GOT1: variants seen among roughly 807,000 people sequenced by gnomAD.
GOT1 encodes the protein aspartate aminotransferase, cytoplasmic.
A neutral mutation model predicts 48.2 loss-of-function variants in GOT1; 25 were observed. That is an observed-to-expected ratio of 0.52 (90% CI 0.38 to 0.72). The LOEUF is 0.72. Among genes scored for constraint, GOT1 ranks in the 30% least tolerant of loss-of-function variants. GOT1 has a pLI of 0.00. For synonymous variants in GOT1, 188 were observed against 193.8 expected (o/e 0.97, Z 0.25); for missense variants, 380 against 520.1 (o/e 0.73, Z 2.62).
intron 8 of GOT1, among the ~76,000 whole-genome samples, chr10:99,398,413 T>G (rs1441746219): frequency 2.0e-5 from 3 of 152,214 alleles, no homozygotes; most frequent in Non-Finnish European, 4.4e-5. Flanking sequence ...TTCACGCCTG[T>G]GATCCCAGCA....
At chr10:99,407,754 A>T (rs2032779810) in intron 2 of GOT1, among the ~76,000 whole-genome samples, 2 of 151,316 alleles carry the variant, frequency 1.3e-5, no homozygotes, top group African/African-American at 4.9e-5. Flanking sequence ...TCCTAAAGTG[A>T]CCTAACATAG....
In GOT1 at chr10:99,420,620, T is replaced by C. The variant is rs2032953404; in HGVS notation, c.300+4A>G. 7 of 1,604,442 alleles carry C rather than the reference T, an allele frequency of 4.4e-6. No homozygotes were observed. The highest frequency in any genetic ancestry group is 1.1e-5 in the South Asian group (1 of 89,482). On this transcript the variant is annotated splice_donor_region_variant and intron_variant, in intron 2 of 8. Transcript: ENST00000370508. ...GAGAAAATACATCCTTACCCAAAAC[T>C]TACCCGCTTCTCCTTGAGTGCTGGG... is the stretch of plus-strand genomic sequence containing the variant.
chr10:99,412,707 G>A (rs1433022124), intron 2 of GOT1, among the ~76,000 whole-genome samples: 1 of 152,086 alleles, frequency 6.6e-6, no homozygotes, highest in East Asian at 1.9e-4. Context: ...AGTAGGGGCA[G>A]ACTGATACCT....
intron 2 of GOT1, among the ~76,000 whole-genome samples, chr10:99,410,515 G>A (rs1043413909): frequency 2.6e-5 from 4 of 152,170 alleles, no homozygotes; most frequent in African/African-American, 9.7e-5. Flanking sequence ...CATTAAAAAT[G>A]TGCTTAGAAG....
At chr10:99,400,608 C>T (rs2032661612) in intron 8 of GOT1, among the ~76,000 whole-genome samples, 2 of 151,872 alleles carry the variant, frequency 1.3e-5, no homozygotes, top group South Asian at 4.2e-4. Flanking sequence ...CTGTACTCCA[C>T]CCTGGGTGAC....
At chr10:99,420,318 T>G (rs1043920900) in intron 2 of GOT1, 1 of 258,360 alleles carries the variant, frequency 3.9e-6, no homozygotes, top group East Asian at 8.9e-5. Flanking sequence ...GTGGCAGAGT[T>G]GGATCTAGAA....
chr10:99,415,240 T>G (rs1387801809), intron 2 of GOT1, among the ~76,000 whole-genome samples: 1 of 151,714 alleles, frequency 6.6e-6, no homozygotes, highest in East Asian at 1.9e-4. Context: ...ATAGACGCAA[T>G]AAAAAATGAT....
chr10:99,419,945 T>C (rs1470875836), intron 2 of GOT1, among the ~76,000 whole-genome samples: 5 of 152,144 alleles, frequency 3.3e-5, no homozygotes, highest in Non-Finnish European at 5.9e-5. Context: ...TCTTCCTCCA[T>C]GTATCTCCAG....
chr10:99,405,663 A>C (rs762808644), intron 5 of GOT1, 93 bp downstream of exon 5: 5 of 689,938 alleles, frequency 7.2e-6, no homozygotes, highest in Non-Finnish European at 1.3e-5. Flanking sequence ...CATTTTCCTA[A>C]TTCCTCAGCA....
intron 2 of GOT1, among the ~76,000 whole-genome samples, chr10:99,419,720 C>A (rs2032943150): frequency 6.6e-6 from 1 of 152,160 alleles, no homozygotes; most frequent in Non-Finnish European, 1.5e-5. Flanking sequence ...GGCCCAGCCA[C>A]AGTATGTTTT....
chr10:99,402,660 C>T lies in GOT1; in HGVS notation c.1022G>A (p.Arg341Gln), dbSNP rs1447067357. 13 of 1,613,704 alleles carry T rather than the reference C, an allele frequency of 8.1e-6. No homozygotes were observed. Among genetic ancestry groups the T allele is most frequent in the Middle Eastern group, 1.7e-4 (1 of 6,060 alleles). Residue 341 changes from arginine (R) to glutamine (Q), a missense_variant, in exon 8 of 9, where the codon CGA becomes CAA. Physicochemically the swap from Arg to Gln is conservative, Grantham distance 43. Coordinates refer to ENST00000370508, the MANE Select transcript of GOT1 (RefSeq NM_002079.3). ...CCCAGGGGTTTTGAGGGCTTCTAGT[C>T]GTGCCCTGAGTTCAGATCTCATGGT... ...ILTMRSELRA[R>Q]LEALKTPGTW...
chr10:99,404,700 ACATC>A (rs2032730467), intron 5 of GOT1, among the ~76,000 whole-genome samples: 1 of 152,080 alleles, frequency 6.6e-6, no homozygotes, highest in Non-Finnish European at 1.5e-5. Context: ...AAGACCATGC[ACATC>A]CAATCATGTC....
Position 99,406,823 on chromosome 10 carries a change from T to C in GOT1, c.327A>G (p.Gly109=), listed in dbSNP as rs200952045. The C allele has an allele frequency of 5.7e-5, 92 of 1,613,418 alleles. No homozygotes were observed. Among genetic ancestry groups the C allele is most frequent in the Non-Finnish European group, 7.2e-5 (85 of 1,179,716 alleles). The change falls in exon 3 of 9, where the codon GGA becomes GGG. Residue 109 remains glycine, a synonymous_variant. Coordinates refer to ENST00000370508, the MANE Select transcript of GOT1 (RefSeq NM_002079.3). ...CAGCTCCAATTCGAAGTGCACCTGT[T>C]CCCCCCAAAGATTGCACACCTCCTA... ...KRVGGVQSLG[G]TGALRIGADF...
At chr10:99,413,467 G>C (rs1246541681) in intron 2 of GOT1, among the ~76,000 whole-genome samples, 1 of 152,202 alleles carries the variant, frequency 6.6e-6, no homozygotes, top group Non-Finnish European at 1.5e-5. Context: ...CATCTGATTG[G>C]TGTACCTGAA....
chr10:99,408,548 C>T (rs1390585752), intron 2 of GOT1, among the ~76,000 whole-genome samples: 2 of 152,134 alleles, frequency 1.3e-5, no homozygotes, highest in Non-Finnish European at 2.9e-5. Flanking sequence ...GAAACCCTGT[C>T]TCTCCTAAAA....
chr10:99,402,996 T>C (rs1314160969), intron 7 of GOT1, among the ~76,000 whole-genome samples: 1 of 152,218 alleles, frequency 6.6e-6, no homozygotes, highest in African/African-American at 2.4e-5. Context: ...TTCACCGAGG[T>C]GCTGCTATAG....
At chr10:99,403,120 A>G (rs2134096812) in intron 7 of GOT1, among the ~76,000 whole-genome samples, 1 of 152,370 alleles carries the variant, frequency 6.6e-6, no homozygotes, top group South Asian at 2.1e-4. Flanking sequence ...AATTACAGAT[A>G]AAAACCAAGA....
intron 5 of GOT1, among the ~76,000 whole-genome samples, chr10:99,405,520 G>GACACACAC (rs138777645): frequency 0.031 from 4,392 of 143,546 alleles, 80 homozygotes; most frequent in Middle Eastern, 0.046. Context: ...CATAAAACTA[G>GACACACAC]ACACACACAC....
chr10:99,402,864 G>T, intron 7 of GOT1, 142 bp from the exon 8 acceptor site: 1 of 675,448 alleles, frequency 1.5e-6, no homozygotes, highest in Non-Finnish European at 2.6e-6. Context: ...ATGTCTGGAT[G>T]GGTGGATTAA....
Sources: allele counts gnomAD v4.1 joint callset (sites outside exome capture counted in the v4.1 genomes callset), GRCh38; gene constraint gnomAD v4.1.1; transcripts MANE v1.5; gene names NCBI Gene and HGNC (gene_info 2026-07-23, HGNC 2026-07-21).